The following HERC2 variants were observed in gnomAD, a reference collection of about 807,000 sequenced individuals.
The protein encoded by HERC2 is HECT and RLD domain containing E3 ubiquitin protein ligase 2, also known as E3 ubiquitin-protein ligase HERC2.
HERC2 carries 102 observed loss-of-function variants against 537.7 expected under a neutral mutation model. The observed-to-expected ratio is 0.19, with a 90% confidence interval of 0.16 to 0.22. The LOEUF is 0.22. Ranked by LOEUF, HERC2 falls within the 10% of genes least tolerant of loss-of-function variation. The pLI, the probability that HERC2 is intolerant of heterozygous loss-of-function variation, is 1.00. For synonymous variants in HERC2, 2,224 were observed against 2,466.2 expected (o/e 0.90, Z 2.91); for missense variants, 4,236 against 6,198.2 (o/e 0.68, Z 10.63).
intron 2 of HERC2, among the ~76,000 whole-genome samples, chr15:28,320,669 G>A (rs1337181418): frequency 6.6e-6 from 1 of 151,736 alleles, no homozygotes; most frequent in African/African-American, 2.4e-5. Flanking sequence ...TGCTGATAAG[G>A]AGTTCCAAAA....
rs770901769 is a variant in HERC2, at chr15:28,229,482, T to C, written c.5098A>G (p.Ile1700Val). ...TACCCTATATCGATTCCCTCAGGAA[T>C]AAGTCTTTGCCATCCACAAAACATC... ...YAMFCGWQRL[I>V]PEGIDIGEPL... Residue 1700 changes from isoleucine to valine, a missense_variant, in exon 33 of 93, where the codon ATT (isoleucine) becomes GTT (valine). By Grantham distance (29) the Ile-to-Val change is conservative. Around this residue, in one of 27 missense-constraint regions of HERC2, gnomAD observed 343 missense variants for 417.2 expected, o/e 0.82. Transcript: ENST00000261609. The C allele has an allele frequency of 5.6e-6, 9 of 1,613,796 alleles. No individual in the cohort carries two copies. Among genetic ancestry groups the C allele is most frequent in the South Asian group, 1.1e-5 (1 of 91,080 alleles).
chr15:28,199,468 C>A (rs920214975), intron 48 of HERC2, among the ~76,000 whole-genome samples: 2 of 152,164 alleles, frequency 1.3e-5, no homozygotes, highest in African/African-American at 4.8e-5. Context: ...ATGCATCATT[C>A]TGAAAACTGA....
intron 5 of HERC2, among the ~76,000 whole-genome samples, chr15:28,278,765 G>A (rs2075945981): frequency 1.3e-5 from 2 of 152,030 alleles, no homozygotes; most frequent in Non-Finnish European, 2.9e-5. Flanking sequence ...CTCTCTCCAG[G>A]GAGTCAAAGT....
intron 21 of HERC2, 41 bp from the exon 22 acceptor site, chr15:28,246,938 A>ATTT (rs1476335620): frequency 7.6e-6 from 12 of 1,571,136 alleles, no homozygotes; most frequent in Non-Finnish European, 1.0e-5. Context: ...CACTACTAAA[A>ATTT]TTTTTCTTTG....
At chr15:28,209,784 C>G (rs866198870) in intron 44 of HERC2, among the ~76,000 whole-genome samples, 48 of 152,190 alleles carry the variant, frequency 3.2e-4, no homozygotes, top group Non-Finnish European at 4.7e-4. Flanking sequence ...CATGGATATT[C>G]AGGGAAGACT....
intron 89 of HERC2, 110 bp from the exon 90 acceptor site, chr15:28,114,912 T>C: frequency 1.2e-6 from 1 of 857,874 alleles, no homozygotes; most frequent in Non-Finnish European, 1.8e-6. Context: ...CAGCCTCAAG[T>C]GCATCTCGAG....
At chr15:28,321,248 T>C (rs1293267308) in intron 2 of HERC2, 114 bp downstream of exon 2, 3 of 640,182 alleles carry the variant, frequency 4.7e-6, no homozygotes, top group Non-Finnish European at 8.4e-6. Context: ...CCTGCTCCTC[T>C]AATTCAGCAA....
intron 57 of HERC2, among the ~76,000 whole-genome samples, chr15:28,181,136 T>C (rs962858592): frequency 4.6e-5 from 7 of 152,234 alleles, no homozygotes; most frequent in African/African-American, 1.4e-4. Flanking sequence ...ATGGATGTAA[T>C]TTAAAATTCC....
chr15:28,157,047 C>T (rs1432332478), intron 69 of HERC2, among the ~76,000 whole-genome samples: 6 of 152,146 alleles, frequency 3.9e-5, no homozygotes, highest in East Asian at 3.8e-4. Flanking sequence ...TGCTAGATTA[C>T]GTTTATTGAT....
At chr15:28,218,427 C>A (rs1324884503) in intron 38 of HERC2, 62 bp downstream of exon 38, 3 of 1,450,710 alleles carry the variant, frequency 2.1e-6, no homozygotes, top group East Asian at 2.3e-5. Context: ...ACATGAACAC[C>A]CAGACACAAG....
intron 36 of HERC2, among the ~76,000 whole-genome samples, chr15:28,221,118 A>G (rs1445869949): frequency 6.7e-6 from 1 of 150,098 alleles, no homozygotes; most frequent in South Asian, 2.2e-4. Context: ...TCTCCTACAA[A>G]ATGTGTGCTT....
At chr15:28,229,404 C>A in intron 33 of HERC2, 56 bp downstream of exon 33, 1 of 1,613,402 alleles carries the variant, frequency 6.2e-7, no homozygotes, top group Non-Finnish European at 8.5e-7. Context: ...TGTTACAGAA[C>A]AACATTTTGT....
chr15:28,289,258 T>C (rs144018228), intron 4 of HERC2, among the ~76,000 whole-genome samples: 5,587 of 144,662 alleles, frequency 0.039, 38 homozygotes, highest in African/African-American at 0.053. Flanking sequence ...AAAGCTAAAC[T>C]TGGCAAACAC....
At chr15:28,182,363 G>T in intron 57 of HERC2, 38 bp downstream of exon 57, 1 of 1,341,862 alleles carries the variant, frequency 7.5e-7, no homozygotes, top group Non-Finnish European at 1.1e-6. Flanking sequence ...CTGCTGCCGA[G>T]TGCCCCACCC....
At chr15:28,194,233 T>G in intron 52 of HERC2, among the ~76,000 whole-genome samples, 1 of 148,412 alleles carries the variant, frequency 6.7e-6, no homozygotes, top group South Asian at 2.2e-4. Context: ...GCCCGGCTAA[T>G]TTTTTGTATT....
chr15:28,298,343 C>T (rs1413382716), intron 3 of HERC2, among the ~76,000 whole-genome samples: 3 of 147,856 alleles, frequency 2.0e-5, no homozygotes, highest in Admixed American at 6.7e-5. Flanking sequence ...TTAGTAGAGA[C>T]GGGGTTTCAC....
rs532460763 is a variant in HERC2 at position 28,313,326 on chromosome 15, C to T, written c.72+8036G>A. On this transcript the variant is annotated intron_variant, in intron 2 of 92. Transcript: ENST00000261609. ...CCGAGTAGCTGGGACTACAGGCGCA[C>T]GCCACCACGCCCGGCTAATTTTTTG... Among the ~76,000 whole-genome samples, 13 of 152,196 alleles carry T rather than the reference C, an allele frequency of 8.5e-5. No homozygotes were observed. In the South Asian group the frequency reaches 1.0e-3, roughly 12 times the overall value.
intron 59 of HERC2, among the ~76,000 whole-genome samples, chr15:28,178,218 T>C (rs914802365): frequency 6.6e-6 from 1 of 152,186 alleles, no homozygotes; most frequent in Non-Finnish European, 1.5e-5. Context: ...CGAGGGGCTC[T>C]GGAGAGGGGG....
chr15:28,131,970 A>T, intron 81 of HERC2, 130 bp downstream of exon 81: 1 of 695,364 alleles, frequency 1.4e-6, no homozygotes, highest in Non-Finnish European at 2.3e-6. Context: ...AGAGGAGGTT[A>T]AAGTGCTCCT....
Sources: allele counts gnomAD v4.1 joint callset (sites outside exome capture counted in the v4.1 genomes callset), GRCh38; gene constraint gnomAD v4.1.1; regional missense constraint gnomAD v4.1.1; transcripts MANE v1.5; gene names NCBI Gene and HGNC (gene_info 2026-07-23, HGNC 2026-07-21).